The following ALOX5AP variants were observed in gnomAD, a reference collection of about 807,000 sequenced individuals.
The protein encoded by ALOX5AP is arachidonate 5-lipoxygenase-activating protein.
A neutral mutation model predicts 18.5 loss-of-function variants in ALOX5AP; 9 were observed. That is an observed-to-expected ratio of 0.49 (90% CI 0.29 to 0.85). The LOEUF is 0.85. ALOX5AP is among the 40% of genes least tolerant of loss of function. The pLI is 0.08. For missense variants in ALOX5AP, 172 were observed against 202.5 expected (o/e 0.85, Z 0.91); for synonymous variants, 81 against 78.6 (o/e 1.03, Z -0.16).
At chr13:30,746,090 C>G (rs748660973) in intron 2 of ALOX5AP, among the ~76,000 whole-genome samples, 1 of 152,212 alleles carries the variant, frequency 6.6e-6, no homozygotes, top group Non-Finnish European at 1.5e-5. Flanking sequence ...TTGTAAGAAG[C>G]CATGGTGCTT....
chr13:30,745,330 C>G (rs530810076), intron 2 of ALOX5AP, among the ~76,000 whole-genome samples: 1 of 152,316 alleles, frequency 6.6e-6, no homozygotes, highest in South Asian at 2.1e-4. Flanking sequence ...TCCGAAATCG[C>G]TGGGCCACTC....
intron 1 of ALOX5AP, among the ~76,000 whole-genome samples, chr13:30,720,891 A>G (rs1237081037): frequency 6.6e-6 from 1 of 152,192 alleles, no homozygotes; most frequent in East Asian, 1.9e-4. Context: ...AGAGCATTTT[A>G]TGGAGGGGAC....
At chr13:30,734,977 A>T (rs1014968596), upstream of ALOX5AP, among the ~76,000 whole-genome samples, 1 of 152,078 alleles carries the variant, frequency 6.6e-6, no homozygotes, top group East Asian at 1.9e-4. Flanking sequence ...GGTGTTCTAT[A>T]CATTTTTTTA....
chr13:30,763,358 C>T (rs1951959947), intron 4 of ALOX5AP, among the ~76,000 whole-genome samples: 1 of 152,192 alleles, frequency 6.6e-6, no homozygotes, highest in South Asian at 2.1e-4. Context: ...AAGTCTCTCC[C>T]TCCACTCAAA....
chr13:30,730,806 G>A (rs560171335), upstream of ALOX5AP, among the ~76,000 whole-genome samples: 14 of 150,954 alleles, frequency 9.3e-5, no homozygotes, highest in East Asian at 6.0e-4. Context: ...GAGCCTCGGC[G>A]TCCCTGAATT....
At chr13:30,751,498 G>A (rs17238864) in intron 2 of ALOX5AP, among the ~76,000 whole-genome samples, 11,360 of 152,306 alleles carry the variant, frequency 0.075, 531 homozygotes, top group East Asian at 0.11. Context: ...AGGGAGTGAG[G>A]ACTGTGCCCA....
At chr13:30,729,004 A>C (rs975010064) in intron 1 of ALOX5AP, among the ~76,000 whole-genome samples, 2 of 152,136 alleles carry the variant, frequency 1.3e-5, no homozygotes, top group African/African-American at 4.8e-5. Context: ...GTGTTATCTC[A>C]TTGTAGTTCT....
chr13:30,748,901 C>A (rs567964040), intron 2 of ALOX5AP, among the ~76,000 whole-genome samples: 4 of 152,226 alleles, frequency 2.6e-5, no homozygotes. Context: ...AAAGACTACA[C>A]GAGCAGCCAC....
intron 3 of ALOX5AP, 107 bp from the exon 4 acceptor site, chr13:30,755,837 G>T: frequency 9.5e-7 from 1 of 1,057,782 alleles, no homozygotes; most frequent in South Asian, 1.3e-5. Context: ...CCTGAAGTGC[G>T]TGTGTCTTCT....
At chr13:30,715,565 G>A (rs1460821918) in intron 1 of ALOX5AP, among the ~76,000 whole-genome samples, 2 of 152,178 alleles carry the variant, frequency 1.3e-5, no homozygotes, top group Non-Finnish European at 2.9e-5. Context: ...CAGTGGGATG[G>A]GGAGGCAGGG....
At chr13:30,719,495 C>T (rs1338134858) in intron 1 of ALOX5AP, among the ~76,000 whole-genome samples, 1 of 152,184 alleles carries the variant, frequency 6.6e-6, no homozygotes, top group African/African-American at 2.4e-5. Flanking sequence ...TATCTTTCTC[C>T]TCATTTCTCC....
At chr13:30,762,320 G>T (rs1951948399) in intron 4 of ALOX5AP, among the ~76,000 whole-genome samples, 1 of 152,192 alleles carries the variant, frequency 6.6e-6, no homozygotes, top group Admixed American at 6.5e-5. Context: ...TGGGCGTGGT[G>T]GCTCACGCCT....
At chr13:30,759,460 C>T (rs1186815579) in intron 4 of ALOX5AP, among the ~76,000 whole-genome samples, 1 of 152,214 alleles carries the variant, frequency 6.6e-6, no homozygotes, top group Non-Finnish European at 1.5e-5. Flanking sequence ...GCTACCTGCT[C>T]TGTGCCAGGT....
At chr13:30,751,295 C>G (rs1484418491) in intron 2 of ALOX5AP, among the ~76,000 whole-genome samples, 3 of 152,160 alleles carry the variant, frequency 2.0e-5, no homozygotes, top group African/African-American at 7.2e-5. Flanking sequence ...AACTCCTGAC[C>G]TTGTGATCTG....
At chr13:30,744,243 C>A in intron 2 of ALOX5AP, 84 bp downstream of exon 2, 7 of 1,229,038 alleles carry the variant, frequency 5.7e-6, no homozygotes, top group Non-Finnish European at 8.2e-6. Flanking sequence ...CCCTTAATAC[C>A]ACATGTCTGT....
intron 1 of ALOX5AP, among the ~76,000 whole-genome samples, chr13:30,714,592 T>TGGGAGGG (rs1951535280): frequency 2.7e-4 from 2 of 7,274 alleles, no homozygotes; most frequent in Non-Finnish European, 2.8e-4. Context: ...AGGTGGGAGG[T>TGGGAGGG]GGGGGGTGGG....
intron 4 of ALOX5AP, among the ~76,000 whole-genome samples, chr13:30,757,342 G>C (rs1264761336): frequency 6.6e-6 from 1 of 152,102 alleles, no homozygotes; most frequent in Admixed American, 6.5e-5. Context: ...GCTGCAGCTG[G>C]AAAAAGAATG....
chr13:30,760,770 AT>A (rs1166092588), intron 4 of ALOX5AP, among the ~76,000 whole-genome samples: 1 of 152,194 alleles, frequency 6.6e-6, no homozygotes. Flanking sequence ...GGCTGTGAGA[AT>A]TAAAGGAAGT....
In ALOX5AP at chr13:30,729,075, A is replaced by C. The variant is rs368277127; in HGVS notation, c.117-6476A>C. 4.6e-5 allele frequency among the ~76,000 whole-genome samples: 7 copies of C among 152,332 alleles called. No homozygotes were observed. The East Asian group carries it at 1.2e-3, about 25-fold the overall frequency. ...ATCTTTTCATGCACCTATTGGCTAT[A>C]TGTATATCTTCTTTAGCAAAATATA... On this transcript the variant is annotated intron_variant, in intron 1 of 5. Coordinates refer to the ALOX5AP transcript ENST00000617770.
Sources: gnomAD v4.1 joint callset for allele counts (sites outside exome capture counted in the v4.1 genomes callset) on GRCh38, gnomAD v4.1.1 for gene constraint, MANE v1.5 for transcripts, NCBI Gene and HGNC (gene_info 2026-07-23, HGNC 2026-07-21) for gene names.